The following UNC13C variants were observed in gnomAD, a reference collection of about 807,000 sequenced individuals.
UNC13C encodes the protein protein unc-13 homolog C.
In UNC13C, 174 loss-of-function variants were observed where a neutral mutation model predicts 245.4. The observed-to-expected ratio is 0.71, with a 90% CI of 0.63 to 0.80. The LOEUF (loss-of-function observed/expected upper bound fraction) is 0.80, where lower values mean the gene tolerates loss of function less well. Ranked by LOEUF, UNC13C falls within the 30% of genes least tolerant of loss-of-function variation. The pLI, the probability that UNC13C is intolerant of heterozygous loss-of-function variation, is 0.00. For synonymous variants in UNC13C, 992 were observed against 895.1 expected (o/e 1.11, Z -1.93); for missense variants, 2,829 against 2,602.9 (o/e 1.09, Z -1.89).
chr15:53,845,046 C>T, the UNC13C span, among the ~76,000 whole-genome samples: 4 of 152,074 alleles, frequency 2.6e-5, no homozygotes, highest in African/African-American at 4.8e-5. Context: ...AAATTGAAGG[C>T]GGGGCACAGT....
chr15:53,953,459 G>T, the UNC13C span, among the ~76,000 whole-genome samples: 15 of 152,270 alleles, frequency 9.9e-5, no homozygotes, highest in Non-Finnish European at 1.8e-4. Context: ...CTAGATCCAG[G>T]GGTGTTTCTG....
the UNC13C span, among the ~76,000 whole-genome samples, chr15:53,922,862 A>G: frequency 1.3e-5 from 2 of 152,200 alleles, no homozygotes; most frequent in African/African-American, 2.4e-5. Context: ...GAACTAGGCT[A>G]TAGCTGAGAA....
At chr15:54,240,667 C>T (rs2035827360) in intron 7 of UNC13C, among the ~76,000 whole-genome samples, 1 of 152,110 alleles carries the variant, frequency 6.6e-6, no homozygotes. Flanking sequence ...CCACCTTACC[C>T]ATGAGGCGCT....
At chr15:54,382,251 T>A (rs1308132078) in intron 17 of UNC13C, among the ~76,000 whole-genome samples, 1 of 152,042 alleles carries the variant, frequency 6.6e-6, no homozygotes, top group Non-Finnish European at 1.5e-5. Context: ...AAAGCAATGC[T>A]AAGAGGAAAG....
At chr15:54,214,691 A>T (rs1462125491) in intron 4 of UNC13C, among the ~76,000 whole-genome samples, 1 of 151,922 alleles carries the variant, frequency 6.6e-6, no homozygotes, top group Non-Finnish European at 1.5e-5. Context: ...GATTCTACTT[A>T]ATGACTTTAA....
upstream of UNC13C, among the ~76,000 whole-genome samples, chr15:53,976,025 C>T (rs368842496): frequency 6.6e-6 from 1 of 152,102 alleles, no homozygotes; most frequent in Non-Finnish European, 1.5e-5. Context: ...GAAATCTCAT[C>T]GTTGTAATTA....
At chr15:54,089,354 G>T (rs1899430374) in intron 2 of UNC13C, among the ~76,000 whole-genome samples, 1 of 152,194 alleles carries the variant, frequency 6.6e-6, no homozygotes, top group Non-Finnish European at 1.5e-5. Flanking sequence ...AGCTTAATGA[G>T]GAGGACTTGG....
chr15:54,626,277 C>T (rs1414226720), intron 32 of UNC13C, among the ~76,000 whole-genome samples: 1 of 143,826 alleles, frequency 7.0e-6, no homozygotes, highest in Non-Finnish European at 1.5e-5. Context: ...CATTGAATCA[C>T]CAGGCTCTGC....
chr15:54,210,268 C>T (rs983325744), intron 4 of UNC13C, among the ~76,000 whole-genome samples: 1 of 148,074 alleles, frequency 6.8e-6, no homozygotes, highest in East Asian at 2.0e-4. Context: ...TCTAACAAAA[C>T]CAGTGTTAAT....
chr15:54,151,415 T>C (rs1313020672), intron 4 of UNC13C, among the ~76,000 whole-genome samples: 1 of 152,150 alleles, frequency 6.6e-6, no homozygotes, highest in African/African-American at 2.4e-5. Context: ...TTTATTCCTT[T>C]TTTTTCTGAG....
chr15:53,838,411 T>A, the UNC13C span, among the ~76,000 whole-genome samples: 1 of 152,052 alleles, frequency 6.6e-6, no homozygotes, highest in East Asian at 1.9e-4. Flanking sequence ...ATATTTATGG[T>A]GCTTACCATA....
chr15:54,565,308 G>A (rs775723267), intron 29 of UNC13C, among the ~76,000 whole-genome samples: 1 of 151,774 alleles, frequency 6.6e-6, no homozygotes, highest in African/African-American at 2.4e-5. Flanking sequence ...CCAGCACAAG[G>A]TCTGGCTCAT....
At chr15:54,343,177 A>C (rs1467971411) in intron 17 of UNC13C, among the ~76,000 whole-genome samples, 3 of 149,364 alleles carry the variant, frequency 2.0e-5, no homozygotes, top group Non-Finnish European at 4.4e-5. Flanking sequence ...TCTGTCACCC[A>C]GACTGGAGCG....
intron 30 of UNC13C, among the ~76,000 whole-genome samples, chr15:54,572,595 T>C (rs4444284): frequency 0.098 from 14,816 of 151,808 alleles, 1,074 homozygotes; most frequent in African/African-American, 0.2. Flanking sequence ...CCGGCATTTT[T>C]GTATTTTTTT....
chr15:54,628,695 T>TG (rs1566949984), downstream of UNC13C: 5 of 152,474 alleles, frequency 3.3e-5, no homozygotes, highest in African/African-American at 1.2e-4. Context: ...TGACCATATG[T>TG]AATAGTCTTC....
At chr15:53,878,053 T>A in the UNC13C span, among the ~76,000 whole-genome samples, 18 of 152,224 alleles carry the variant, frequency 1.2e-4, no homozygotes, top group African/African-American at 4.3e-4. Context: ...TGGTTCCACT[T>A]TATGAATATA....
At chr15:54,374,902 A>T (rs1050590200) in intron 17 of UNC13C, among the ~76,000 whole-genome samples, 16 of 152,258 alleles carry the variant, frequency 1.1e-4, no homozygotes, top group Non-Finnish European at 2.2e-4. Flanking sequence ...AGATCACTGC[A>T]GTATCCATGA....
the UNC13C span, among the ~76,000 whole-genome samples, chr15:53,885,156 A>G: frequency 2.0e-5 from 3 of 152,260 alleles, no homozygotes; most frequent in Non-Finnish European, 2.9e-5. Flanking sequence ...GCGCCTTGTC[A>G]GGCTCAGTTC....
At chr15:54,540,283 A>G (rs1189229755) in intron 26 of UNC13C, among the ~76,000 whole-genome samples, 1 of 152,128 alleles carries the variant, frequency 6.6e-6, no homozygotes, top group Non-Finnish European at 1.5e-5. Flanking sequence ...TAGATATATG[A>G]AAATGAGGGA....
Sources: gnomAD v4.1 joint callset for allele counts (sites outside exome capture counted in the v4.1 genomes callset) on GRCh38, gnomAD v4.1.1 for gene constraint, MANE v1.5 for transcripts, NCBI Gene and HGNC (gene_info 2026-07-23, HGNC 2026-07-21) for gene names.